C22orf31: variants seen among roughly 807,000 people sequenced by gnomAD.
C22orf31 encodes uncharacterized protein C22orf31.
In C22orf31, 11 loss-of-function variants were observed where a neutral mutation model predicts 15.0. The ratio of observed to expected loss-of-function variants is 0.73; its 90% CI spans 0.46 to 1.21. The LOEUF is 1.21. Among genes scored for constraint, C22orf31 ranks in the 50% most tolerant of loss-of-function variants. C22orf31 has a pLI of 0.00. For synonymous variants in C22orf31, 132 were observed against 133.3 expected (o/e 0.99, Z 0.07); for missense variants, 340 against 347.2 (o/e 0.98, Z 0.17).
intron 2 of C22orf31, chr22:29,059,917 C>G (rs1385027107): frequency 3.0e-6 from 3 of 985,096 alleles, no homozygotes; most frequent in Non-Finnish European, 3.6e-6. Flanking sequence ...AGCATGACCC[C>G]AAAATCTGGG....
chr22:29,068,572 G>A, the C22orf31 span, among the ~76,000 whole-genome samples: 5 of 150,668 alleles, frequency 3.3e-5, no homozygotes, highest in Admixed American at 6.6e-5. Flanking sequence ...CACCATGCCC[G>A]GCTAATTTTT....
the C22orf31 span, among the ~76,000 whole-genome samples, chr22:29,069,985 A>G: frequency 0.52 from 72,777 of 139,600 alleles, 19,302 homozygotes; most frequent in Middle Eastern, 0.64. Context: ...TTGCTCTGTC[A>G]CTCAGGCTGG....
chr22:29,072,890 C>A, the C22orf31 span, among the ~76,000 whole-genome samples: 1 of 151,810 alleles, frequency 6.6e-6, no homozygotes, highest in East Asian at 1.9e-4. Flanking sequence ...GAGCAGCGCG[C>A]GGCCGGGGCG....
intron 2 of C22orf31, chr22:29,060,021 CTTTTTTTTTTTT>C: frequency 1.1e-5 from 6 of 540,080 alleles, no homozygotes; most frequent in Non-Finnish European, 1.3e-5. Flanking sequence ...TTTTTCTTTT[CTTTTTTTTTTTT>C]TTTTTTTTTT....
At chr22:29,064,436 A>G (rs779123983), upstream of C22orf31, among the ~76,000 whole-genome samples, 14 of 152,232 alleles carry the variant, frequency 9.2e-5, no homozygotes, top group Admixed American at 3.9e-4. Context: ...GTGAGTTTGA[A>G]GTGGGACAAT....
At chr22:29,059,872 C>G in intron 2 of C22orf31, 1 of 985,266 alleles carries the variant, frequency 1.0e-6, no homozygotes, top group Non-Finnish European at 1.2e-6. Flanking sequence ...CCACCTCATC[C>G]TTCTCTAGAA....
At chr22:29,072,831 C>G in the C22orf31 span, among the ~76,000 whole-genome samples, 1 of 152,074 alleles carries the variant, frequency 6.6e-6, no homozygotes, top group Admixed American at 6.5e-5. Flanking sequence ...CCTGCTGGGC[C>G]GGCCCAGGTG....
chr22:29,061,720 A>G lies in C22orf31; in HGVS notation c.3+70T>C, dbSNP rs2037394057. 13 of 1,191,316 alleles carry G rather than the reference A, an allele frequency of 1.1e-5. 1 individual carries two copies. In the South Asian group the frequency reaches 1.6e-4, roughly 15 times the overall value. The allele number at this position is 1,191,316 out of a possible 1,614,324, so 73.8% of individuals were successfully genotyped here. On this transcript the variant is annotated intron_variant, in intron 1 of 2. Transcript: ENST00000216071. ...AAGAGCAACAGAACAATTTGGATAG[A>G]TTAGAATCACATATTTAAAGAGATC...
Position 29,058,774 on chromosome 22 carries a change from T to C in C22orf31, c.841A>G (p.Lys281Glu). ...QPGVHEEPVL[K>E]KWPKLKSKK Reference sequence around the variant, plus strand: ...TTGCTCTTTAACTTGGGCCATTTCTTGAGTACAGGCTCCTCGTGGACACCT... The same window carrying C: ...TTGCTCTTTAACTTGGGCCATTTCTCGAGTACAGGCTCCTCGTGGACACCT... Residue 281 changes from lysine (K) to glutamate (E), a missense_variant, in exon 3 of 3, where the codon AAG (lysine) becomes GAG (glutamate). Physicochemically the swap from Lys to Glu is moderately conservative, Grantham distance 56. Coordinates refer to ENST00000216071, the MANE Select transcript of C22orf31 (RefSeq NM_015370.2). 3 of 1,612,398 alleles carry C rather than the reference T, an allele frequency of 1.9e-6. No homozygotes were observed. The highest frequency in any genetic ancestry group is 1.7e-6 in the Non-Finnish European group (2 of 1,179,512).
At chr22:29,059,466 C>A (rs2037358382) in intron 2 of C22orf31, among the ~76,000 whole-genome samples, 1 of 152,198 alleles carries the variant, frequency 6.6e-6, no homozygotes, top group East Asian at 1.9e-4. Context: ...GAATGCCACG[C>A]AAGATCCTAA....
intron 2 of C22orf31, chr22:29,059,647 C>A: frequency 1.0e-6 from 1 of 980,834 alleles, no homozygotes; most frequent in South Asian, 4.7e-5. Context: ...GGGATTTGAA[C>A]CCTGATGGCC....
the C22orf31 span, among the ~76,000 whole-genome samples, chr22:29,067,519 G>A: frequency 6.6e-6 from 1 of 151,912 alleles, no homozygotes; most frequent in African/African-American, 2.4e-5. Context: ...TTGGCTCACT[G>A]CAACTTCCAC....
rs751143451 is a variant in C22orf31, at chr22:29,059,142, T to G, written c.473A>C (p.Gln158Pro). ...SSKEKKLTVR[Q>P]DLEDRYAEHV... The stretch of plus-strand genomic sequence containing the variant: ...TTCAGCATATCTGTCCTCAAGATCT[T>G]GGCGGACTGTTAGTTTTTTCTCCTT... The change falls in exon 3 of 3, where the codon CAA becomes CCA. Residue 158 changes from glutamine to proline, a missense_variant. By Grantham distance (76) the Gln-to-Pro change is moderately conservative. Coordinates refer to ENST00000216071, the MANE Select transcript of C22orf31 (RefSeq NM_015370.2). 1.9e-6 allele frequency: 3 copies of G among 1,612,360 alleles called. No homozygotes were observed. Among genetic ancestry groups the G allele is most frequent in the African/African-American group, 2.7e-5 (2 of 74,818 alleles).
chr22:29,065,600 G>A (rs2037424135), upstream of C22orf31, among the ~76,000 whole-genome samples: 1 of 152,196 alleles, frequency 6.6e-6, no homozygotes, highest in Admixed American at 6.5e-5. Flanking sequence ...CCTGGTTACG[G>A]GAGTTGTTCA....
chr22:29,062,394 G>A (rs1043493186), upstream of C22orf31, among the ~76,000 whole-genome samples: 17 of 152,066 alleles, frequency 1.1e-4, no homozygotes, highest in South Asian at 4.2e-4. Flanking sequence ...TGTCTCTCCC[G>A]GGAAGACTAC....
chr22:29,071,796 C>T, the C22orf31 span, among the ~76,000 whole-genome samples: 1 of 152,190 alleles, frequency 6.6e-6, no homozygotes, highest in Admixed American at 6.5e-5. Flanking sequence ...AAGGGCCTAC[C>T]ACGCTGGGGC....
At position 29,058,911 on chromosome 22, in the gene C22orf31, T is replaced by A. The variant is rs763099609; in HGVS notation, c.704A>T (p.Tyr235Phe). Residue 235 changes from tyrosine to phenylalanine, a missense_variant, in exon 3 of 3, where the codon TAC (tyrosine) becomes TTC (phenylalanine). Transcript: ENST00000216071. ...AATGGCCTTGCCCAGCTCCAGGCTG[T>A]ACCTCTTGGGGGTCCCTGAAGGATT... is the stretch of plus-strand genomic sequence containing the variant. ...LWNPSGTPKR[Y>F]SLELGKAIKQ... The A allele has an allele frequency of 1.2e-6, 2 of 1,614,096 alleles. No individual in the cohort carries two copies. Among genetic ancestry groups the A allele is most frequent in the Admixed American group, 1.7e-5 (1 of 60,012 alleles).
upstream of C22orf31, among the ~76,000 whole-genome samples, chr22:29,064,400 G>T (rs955008457): frequency 9.2e-5 from 14 of 152,342 alleles, no homozygotes; most frequent in South Asian, 2.1e-3. Flanking sequence ...AATGGGCCTA[G>T]TCATACTGCC....
At chr22:29,062,670 G>A (rs747495924), upstream of C22orf31, among the ~76,000 whole-genome samples, 3 of 152,008 alleles carry the variant, frequency 2.0e-5, no homozygotes, top group Non-Finnish European at 4.4e-5. Flanking sequence ...TCCTGGAATC[G>A]CATGTGTTGC....
Sources: allele counts gnomAD v4.1 joint callset (sites outside exome capture counted in the v4.1 genomes callset), GRCh38; gene constraint gnomAD v4.1.1; transcripts MANE v1.5; gene names NCBI Gene and HGNC (gene_info 2026-07-23, HGNC 2026-07-21).